GMDS: variants seen among roughly 807,000 people sequenced by gnomAD.
GMDS encodes the protein GDP-mannose 4,6 dehydratase.
A neutral mutation model predicts 49.9 loss-of-function variants in GMDS; 20 were observed. That is an observed-to-expected ratio of 0.40 (90% CI 0.28 to 0.58). The LOEUF (loss-of-function observed/expected upper bound fraction) is 0.58. Among genes scored for constraint, GMDS ranks in the 20% least tolerant of loss-of-function variants. The pLI is 0.42. For synonymous variants in GMDS, 177 were observed against 178.6 expected (o/e 0.99, Z 0.07); for missense variants, 362 against 481.4 (o/e 0.75, Z 2.32).
chr6:1,664,522 C>T (rs909454370), intron 9 of GMDS, among the ~76,000 whole-genome samples: 1 of 152,162 alleles, frequency 6.6e-6, no homozygotes, highest in Non-Finnish European at 1.5e-5. Context: ...CCCTAGAGTC[C>T]CCGATTCATG....
At chr6:1,768,727 A>T (rs1768458710) in intron 7 of GMDS, among the ~76,000 whole-genome samples, 1 of 152,220 alleles carries the variant, frequency 6.6e-6, no homozygotes, top group African/African-American at 2.4e-5. Context: ...ATACTCCAAA[A>T]CCCAAAACAT....
In GMDS at chr6:1,913,347, C is replaced by T. The variant is rs566394606; in HGVS notation, c.771+16756G>A. Reference sequence around the variant, plus strand: ...AGTGAGCCGAGATCCTGCCACTGCACTCCAGCCTGGGCGACAGAGCGAGAC... The same window carrying T: ...AGTGAGCCGAGATCCTGCCACTGCATTCCAGCCTGGGCGACAGAGCGAGAC... On this transcript the variant is annotated intron_variant, in intron 7 of 10. Transcript: ENST00000380815. Among the ~76,000 whole-genome samples the T allele has an allele frequency of 3.1e-3, 429 of 140,558 alleles. 3 individuals carry two copies. Among genetic ancestry groups the T allele is most frequent in the African/African-American group, 0.011 (416 of 37,130 alleles). The allele number at this position is 140,558 out of a possible 152,430, so 92.2% of individuals were successfully genotyped here.
intron 7 of GMDS, among the ~76,000 whole-genome samples, chr6:1,746,899 A>C (rs1392569894): frequency 6.6e-6 from 1 of 152,026 alleles, no homozygotes; most frequent in East Asian, 1.9e-4. Context: ...ATGGGGTTTC[A>C]CCATGTTGGT....
At chr6:1,996,259 A>G (rs745372617) in intron 4 of GMDS, among the ~76,000 whole-genome samples, 2 of 151,932 alleles carry the variant, frequency 1.3e-5, no homozygotes, top group Admixed American at 6.6e-5. Context: ...ACAGCCAACA[A>G]CACCACAGCT....
chr6:1,673,704 T>C (rs528634865), intron 9 of GMDS, among the ~76,000 whole-genome samples: 1 of 152,136 alleles, frequency 6.6e-6, no homozygotes, highest in African/African-American at 2.4e-5. Flanking sequence ...CCTCTATCCC[T>C]CCCCTGGACC....
At chr6:1,936,733 G>A (rs1340178638) in intron 6 of GMDS, among the ~76,000 whole-genome samples, 2 of 152,204 alleles carry the variant, frequency 1.3e-5, no homozygotes, top group African/African-American at 2.4e-5. Context: ...TTGGGAGGCT[G>A]AGGTGGGCAG....
At chr6:1,860,037 C>A (rs1041386157) in intron 7 of GMDS, among the ~76,000 whole-genome samples, 1 of 152,112 alleles carries the variant, frequency 6.6e-6, no homozygotes, top group African/African-American at 2.4e-5. Flanking sequence ...TTCTAGACTT[C>A]ATATTGTAGT....
chr6:2,210,630 G>A (rs898395931), intron 1 of GMDS, among the ~76,000 whole-genome samples: 3 of 152,142 alleles, frequency 2.0e-5, no homozygotes, highest in African/African-American at 7.2e-5. Context: ...TCCCAGGAAA[G>A]GTCTGCTTAC....
At chr6:1,647,976 T>G (rs562070117) in intron 9 of GMDS, among the ~76,000 whole-genome samples, 33 of 152,320 alleles carry the variant, frequency 2.2e-4, no homozygotes, top group African/African-American at 7.7e-4. Context: ...ACATCCCTGA[T>G]GCTCGGGTGC....
At chr6:2,118,116 C>T (rs1011502675) in intron 2 of GMDS, among the ~76,000 whole-genome samples, 1 of 151,906 alleles carries the variant, frequency 6.6e-6, no homozygotes, top group Non-Finnish European at 1.5e-5. Context: ...TTATGTACTA[C>T]TCGATTTAAG....
At chr6:1,986,545 A>T (rs1014981699) in intron 4 of GMDS, among the ~76,000 whole-genome samples, 2 of 152,216 alleles carry the variant, frequency 1.3e-5, no homozygotes, top group African/African-American at 4.8e-5. Flanking sequence ...ATGTGGTGCT[A>T]CATTATCACA....
chr6:1,776,301 T>C (rs1025532772), intron 7 of GMDS, among the ~76,000 whole-genome samples: 2 of 152,206 alleles, frequency 1.3e-5, no homozygotes, highest in African/African-American at 4.8e-5. Context: ...GAATTTTCAT[T>C]TAAGATTTCG....
intron 1 of GMDS, among the ~76,000 whole-genome samples, chr6:2,155,152 T>C (rs974815557): frequency 2.0e-5 from 3 of 152,136 alleles, no homozygotes; most frequent in Admixed American, 6.5e-5. Context: ...TTAACATCTT[T>C]AAATGAGGCT....
chr6:2,034,566 T>C (rs945649466), intron 4 of GMDS, among the ~76,000 whole-genome samples: 3 of 152,202 alleles, frequency 2.0e-5, no homozygotes, highest in Non-Finnish European at 4.4e-5. Flanking sequence ...TGGATTTTAA[T>C]GTCAACAACG....
intron 4 of GMDS, among the ~76,000 whole-genome samples, chr6:2,104,932 C>T (rs1774138309): frequency 6.6e-6 from 1 of 151,976 alleles, no homozygotes; most frequent in Admixed American, 6.6e-5. Flanking sequence ...CCTATAATCC[C>T]AGCACTTTGG....
At chr6:2,148,695 C>T (rs1380277983) in intron 1 of GMDS, among the ~76,000 whole-genome samples, 1 of 152,234 alleles carries the variant, frequency 6.6e-6, no homozygotes, top group Non-Finnish European at 1.5e-5. Flanking sequence ...GCTGGGATTA[C>T]AGGCATGAAC....
intron 8 of GMDS, among the ~76,000 whole-genome samples, chr6:1,732,492 A>G (rs1766849684): frequency 6.6e-6 from 1 of 152,166 alleles, no homozygotes; most frequent in Non-Finnish European, 1.5e-5. Flanking sequence ...AGGGGAGAAG[A>G]AGAGGGCAAA....
intron 7 of GMDS, among the ~76,000 whole-genome samples, chr6:1,805,788 T>C (rs958982953): frequency 4.6e-5 from 7 of 152,232 alleles, no homozygotes; most frequent in African/African-American, 1.4e-4. Flanking sequence ...CTATGGTTGA[T>C]AGATATAACC....
intron 1 of GMDS, among the ~76,000 whole-genome samples, chr6:2,124,946 A>C (rs1386230749): frequency 6.6e-6 from 1 of 152,254 alleles, no homozygotes; most frequent in East Asian, 1.9e-4. Flanking sequence ...TGAGCTCCAC[A>C]GAAGACAGAG....
Sources: gnomAD v4.1 joint callset for allele counts (sites outside exome capture counted in the v4.1 genomes callset) on GRCh38, gnomAD v4.1.1 for gene constraint, MANE v1.5 for transcripts, NCBI Gene and HGNC (gene_info 2026-07-23, HGNC 2026-07-21) for gene names.